The following GALNT13 variants were observed in gnomAD, a reference collection of about 807,000 sequenced individuals.
GALNT13 encodes the protein UDP-GalNAc:polypeptide N-acetylgalactosaminyltransferase 13.
Under a neutral mutation model 64.2 loss-of-function variants are expected in GALNT13, and 28 were observed. That is an observed-to-expected ratio of 0.44 (90% CI 0.32 to 0.60). GALNT13 has a LOEUF of 0.60. Ranked by LOEUF, GALNT13 falls within the 20% of genes least tolerant of loss-of-function variation. GALNT13 has a pLI of 0.05. For synonymous variants in GALNT13, 214 were observed against 224.6 expected, an observed-to-expected ratio of 0.95 and a Z score of 0.42; for missense variants, 577 against 669.8, an observed-to-expected ratio of 0.86 and a Z score of 1.53.
At chr2:154,104,844 C>T (rs1376632322) in intron 3 of GALNT13, among the ~76,000 whole-genome samples, 3 of 152,136 alleles carry the variant, frequency 2.0e-5, no homozygotes, top group African/African-American at 7.2e-5. Context: ...AGAATGGGTA[C>T]ACAACCAGTA....
chr2:153,864,856 A>T, the GALNT13 span, among the ~76,000 whole-genome samples: 1 of 147,872 alleles, frequency 6.8e-6, no homozygotes, highest in African/African-American at 2.5e-5. Context: ...CGCCAAGTCA[A>T]TCCTAAGCCA....
the GALNT13 span, among the ~76,000 whole-genome samples, chr2:153,559,997 T>G: frequency 6.6e-6 from 1 of 152,076 alleles, no homozygotes; most frequent in Non-Finnish European, 1.5e-5. Flanking sequence ...CGTATTGCAG[T>G]CTCTATGCTC....
At chr2:153,827,628 A>G in the GALNT13 span, among the ~76,000 whole-genome samples, 1 of 147,344 alleles carries the variant, frequency 6.8e-6, no homozygotes, top group African/African-American at 2.5e-5. Context: ...TCCGTCCCAA[A>G]AAAAAAAAAA....
At chr2:154,079,041 T>C (rs1486571923) in intron 3 of GALNT13, among the ~76,000 whole-genome samples, 1 of 151,700 alleles carries the variant, frequency 6.6e-6, no homozygotes, top group African/African-American at 2.4e-5. Flanking sequence ...TAAGTGACTA[T>C]AATGATTACA....
the GALNT13 span, among the ~76,000 whole-genome samples, chr2:153,625,898 T>C: frequency 1.3e-5 from 2 of 152,154 alleles, no homozygotes; most frequent in East Asian, 1.9e-4. Flanking sequence ...AGAAATGTTA[T>C]TGTTCATTTC....
chr2:154,428,847 T>C (rs1181074611), intron 11 of GALNT13, among the ~76,000 whole-genome samples: 2 of 151,838 alleles, frequency 1.3e-5, no homozygotes, highest in African/African-American at 2.4e-5. Flanking sequence ...AGTGGCGCGA[T>C]CTCTGCTCAC....
the GALNT13 span, among the ~76,000 whole-genome samples, chr2:153,607,812 C>T: frequency 2.0e-5 from 3 of 151,862 alleles, no homozygotes; most frequent in South Asian, 2.1e-4. Flanking sequence ...TCCAGAAATA[C>T]GCAATCATGG....
chr2:153,700,020 T>C, the GALNT13 span, among the ~76,000 whole-genome samples: 1 of 151,976 alleles, frequency 6.6e-6, no homozygotes, highest in African/African-American at 2.4e-5. Context: ...ACACCAAAAT[T>C]TGGCAGAGAC....
chr2:154,288,752 TG>T (rs1476533941), intron 8 of GALNT13, among the ~76,000 whole-genome samples: 1 of 152,224 alleles, frequency 6.6e-6, no homozygotes, highest in Non-Finnish European at 1.5e-5. Flanking sequence ...TGGGTTTCCA[TG>T]GTCTTGCGCA....
At chr2:153,855,495 C>G in the GALNT13 span, among the ~76,000 whole-genome samples, 1 of 152,092 alleles carries the variant, frequency 6.6e-6, no homozygotes, top group African/African-American at 2.4e-5. Context: ...TGCTCAAATG[C>G]TCAACATTAG....
At chr2:153,984,302 AC>A (rs1368336517) in intron 3 of GALNT13, among the ~76,000 whole-genome samples, 1 of 151,738 alleles carries the variant, frequency 6.6e-6, no homozygotes, top group African/African-American at 2.4e-5. Context: ...CATCTTCAAC[AC>A]AGTCATTATG....
chr2:154,109,996 T>C (rs1015045515), intron 3 of GALNT13, among the ~76,000 whole-genome samples: 4 of 152,008 alleles, frequency 2.6e-5, no homozygotes, highest in Admixed American at 6.6e-5. Context: ...TAAAAAGAGT[T>C]TGGATGTGTT....
At chr2:153,921,219 A>G (rs1246329664) in intron 2 of GALNT13, among the ~76,000 whole-genome samples, 1 of 152,154 alleles carries the variant, frequency 6.6e-6, no homozygotes, top group Non-Finnish European at 1.5e-5. Flanking sequence ...CATGAAATCA[A>G]CCTAAATTCC....
the GALNT13 span, among the ~76,000 whole-genome samples, chr2:153,221,791 G>T: frequency 9.6e-3 from 1,468 of 152,304 alleles, 26 homozygotes; most frequent in African/African-American, 0.033. Flanking sequence ...CACTGGCTCC[G>T]TGCAAGCCTG....
At chr2:154,400,196 T>G (rs799748) in intron 10 of GALNT13, among the ~76,000 whole-genome samples, 2 of 152,004 alleles carry the variant, frequency 1.3e-5, no homozygotes, top group Admixed American at 6.6e-5. Flanking sequence ...TTATTAACCT[T>G]TATTGGAAAA....
At chr2:154,256,201 T>C (rs1456458578) in intron 7 of GALNT13, among the ~76,000 whole-genome samples, 1 of 151,990 alleles carries the variant, frequency 6.6e-6, no homozygotes, top group Non-Finnish European at 1.5e-5. Flanking sequence ...CCCAGTGTCT[T>C]AATAGCAGAA....
intron 3 of GALNT13, among the ~76,000 whole-genome samples, chr2:153,972,553 G>A (rs1339939333): frequency 1.3e-5 from 2 of 152,004 alleles, no homozygotes; most frequent in Non-Finnish European, 2.9e-5. Context: ...GTAGGCTGCT[G>A]CTTATATTTC....
At chr2:154,332,511 A>G (rs900773598) in intron 9 of GALNT13, among the ~76,000 whole-genome samples, 1 of 152,108 alleles carries the variant, frequency 6.6e-6, no homozygotes, top group East Asian at 1.9e-4. Context: ...GTTTAAAATG[A>G]AATTAAAAAA....
chr2:153,954,596 TATAGTTACTATA>T (rs533722054), intron 3 of GALNT13, among the ~76,000 whole-genome samples: 322 of 150,162 alleles, frequency 2.1e-3, no homozygotes, highest in African/African-American at 7.5e-3. Flanking sequence ...AATAAATAAT[TATAGTTACTATA>T]ATAATAATTT....
Sources: allele counts gnomAD v4.1 joint callset (sites outside exome capture counted in the v4.1 genomes callset), GRCh38; gene constraint gnomAD v4.1.1; transcripts MANE v1.5; gene names NCBI Gene and HGNC (gene_info 2026-07-23, HGNC 2026-07-21).